Variants in THRB observed in about 807,000 individuals in gnomAD.
THRB encodes nuclear receptor subfamily 1 group A member 2.
Under a neutral mutation model 47.8 loss-of-function variants are expected in THRB, and 12 were observed. That is an observed-to-expected ratio of 0.25 (90% CI 0.16 to 0.41). THRB has a LOEUF of 0.41. THRB is among the 10% of genes least tolerant of loss of function. The pLI is 1.00. For synonymous variants in THRB, 218 were observed against 212.2 expected, an observed-to-expected ratio of 1.03 and a Z score of -0.24; for missense variants, 348 against 589.2, an observed-to-expected ratio of 0.59 and a Z score of 4.24.
chr3:24,328,260 T>A (rs2054820617), intron 2 of THRB, among the ~76,000 whole-genome samples: 1 of 152,168 alleles, frequency 6.6e-6, no homozygotes, highest in Admixed American at 6.5e-5. Flanking sequence ...CTTACGGAAA[T>A]AATCAGAAGT....
chr3:24,187,939 G>A (rs1225735239), intron 5 of THRB, among the ~76,000 whole-genome samples: 1 of 152,208 alleles, frequency 6.6e-6, no homozygotes, highest in East Asian at 1.9e-4. Flanking sequence ...ATTGCCTCAT[G>A]CCTATGTCAA....
intron 1 of THRB, among the ~76,000 whole-genome samples, chr3:24,366,270 T>C (rs2064450144): frequency 6.6e-6 from 1 of 152,156 alleles, no homozygotes; most frequent in South Asian, 2.1e-4. Flanking sequence ...CTACTTATAC[T>C]AATTGTAGCC....
chr3:24,261,447 G>C (rs951738765), intron 3 of THRB, among the ~76,000 whole-genome samples: 2 of 146,660 alleles, frequency 1.4e-5, no homozygotes, highest in African/African-American at 2.5e-5. Context: ...TGCAGTGAGC[G>C]GAGATCGTGC....
intron 1 of THRB, among the ~76,000 whole-genome samples, chr3:24,445,444 A>G (rs1312515989): frequency 1.3e-5 from 2 of 152,188 alleles, no homozygotes; most frequent in Non-Finnish European, 2.9e-5. Flanking sequence ...AATACTCAAA[A>G]GGCAAACACC....
intron 1 of THRB, among the ~76,000 whole-genome samples, chr3:24,340,494 TTTTGTAAAG>T (rs1225547386): frequency 6.6e-6 from 1 of 152,098 alleles, no homozygotes; most frequent in African/African-American, 2.4e-5. Flanking sequence ...GCCTTTTTTT[TTTTGTAAAG>T]TGCTTATTCA....
At chr3:24,423,836 T>C (rs188647337) in intron 1 of THRB, among the ~76,000 whole-genome samples, 210 of 152,010 alleles carry the variant, frequency 1.4e-3, no homozygotes, top group Non-Finnish European at 2.2e-3. Context: ...TGAAAACCTT[T>C]ACTTATTTCA....
chr3:24,128,863 CTT>C (rs57890674), intron 9 of THRB, among the ~76,000 whole-genome samples: 22 of 87,060 alleles, frequency 2.5e-4, no homozygotes, highest in East Asian at 1.8e-3. Flanking sequence ...AAACATAACT[CTT>C]TTTTTTTTTT....
chr3:24,211,777 CTT>C (rs935214494), intron 4 of THRB, among the ~76,000 whole-genome samples: 2 of 152,174 alleles, frequency 1.3e-5, no homozygotes, highest in Admixed American at 6.5e-5. Flanking sequence ...TCTTCAGACT[CTT>C]TGTTTTTCCG....
Position 24,120,569 on chromosome 3 carries a change from T to C in THRB, c.*2315A>G, listed in dbSNP as rs947118981. 3 of 152,270 alleles carry C rather than the reference T, an allele frequency of 2.0e-5. No homozygotes were observed. The highest frequency in any genetic ancestry group is 1.3e-4 in the Admixed American group (2 of 15,286). 9.4% of individuals were successfully genotyped at this position (152,270 alleles called of 1,614,324 possible). A position where few individuals can be genotyped will look rare whatever the true frequency, so the allele number is the denominator to read the frequency against. ...CCTGCTTGCCTTCCTCTCATTCCCTTTGGAAAGAAAGCTTGCCCCAGACAG... is the reference window on the plus strand; with the variant it reads ...CCTGCTTGCCTTCCTCTCATTCCCTCTGGAAAGAAAGCTTGCCCCAGACAG... On this transcript the variant is annotated 3_prime_UTR_variant, in exon 11 of 11. Transcript: ENST00000646209.
At chr3:24,441,059 T>A (rs1577587609) in intron 1 of THRB, among the ~76,000 whole-genome samples, 1 of 152,048 alleles carries the variant, frequency 6.6e-6, no homozygotes, top group Non-Finnish European at 1.5e-5. Flanking sequence ...GTTGGTGGAG[T>A]TCAGTTCTTT....
chr3:24,229,693 G>A (rs1374967909), intron 3 of THRB, among the ~76,000 whole-genome samples: 1 of 152,200 alleles, frequency 6.6e-6, no homozygotes, highest in African/African-American at 2.4e-5. Context: ...AAGGAAGGGT[G>A]CACCCAGGAT....
chr3:24,440,676 A>G (rs1368853861), intron 1 of THRB, among the ~76,000 whole-genome samples: 1 of 152,210 alleles, frequency 6.6e-6, no homozygotes, highest in Non-Finnish European at 1.5e-5. Flanking sequence ...GGTATATAGA[A>G]TATAATTTCA....
At chr3:24,403,369 A>G (rs1003822254) in intron 1 of THRB, among the ~76,000 whole-genome samples, 1 of 152,034 alleles carries the variant, frequency 6.6e-6, no homozygotes, top group Non-Finnish European at 1.5e-5. Flanking sequence ...TTTTATTAAC[A>G]AACAATTTTG....
At chr3:24,162,777 T>C (rs1039752948) in intron 5 of THRB, among the ~76,000 whole-genome samples, 1 of 151,912 alleles carries the variant, frequency 6.6e-6, no homozygotes, top group African/African-American at 2.4e-5. Flanking sequence ...ATTCTTAACA[T>C]TGGGTAGTGT....
At chr3:24,440,708 C>T (rs1471317481) in intron 1 of THRB, among the ~76,000 whole-genome samples, 7 of 151,720 alleles carry the variant, frequency 4.6e-5, no homozygotes, top group Admixed American at 3.9e-4. Flanking sequence ...TGATTTTTTT[C>T]CCATGTAGAG....
At chr3:24,192,969 T>A (rs1015324849) in intron 4 of THRB, among the ~76,000 whole-genome samples, 2 of 152,064 alleles carry the variant, frequency 1.3e-5, no homozygotes, top group African/African-American at 4.8e-5. Flanking sequence ...CAACAGGAAT[T>A]TATTTAAGGA....
intron 1 of THRB, among the ~76,000 whole-genome samples, chr3:24,461,164 A>T (rs556375245): frequency 2.6e-5 from 4 of 152,334 alleles, no homozygotes; most frequent in African/African-American, 9.6e-5. Context: ...ATTCATCAGC[A>T]TCACTTTGGA....
intron 4 of THRB, among the ~76,000 whole-genome samples, chr3:24,217,391 A>G (rs981865934): frequency 2.6e-5 from 4 of 152,136 alleles, no homozygotes; most frequent in Non-Finnish European, 4.4e-5. Context: ...TGATCATTTC[A>G]TCCTGCTCAT....
intron 1 of THRB, among the ~76,000 whole-genome samples, chr3:24,424,378 G>A (rs944294792): frequency 2.0e-5 from 3 of 151,926 alleles, no homozygotes; most frequent in Non-Finnish European, 4.4e-5. Flanking sequence ...TTTTATAACC[G>A]AGGCAAATGG....
Sources: allele counts gnomAD v4.1 joint callset (sites outside exome capture counted in the v4.1 genomes callset), GRCh38; gene constraint gnomAD v4.1.1; transcripts MANE v1.5; gene names NCBI Gene and HGNC (gene_info 2026-07-23, HGNC 2026-07-21).